The following TENM4 variants were observed in gnomAD, a reference collection of about 807,000 sequenced individuals.
TENM4 encodes teneurin-4.
Under a neutral mutation model 243.3 loss-of-function variants are expected in TENM4, and 82 were observed. The observed-to-expected ratio is 0.34, with a 90% CI of 0.28 to 0.40. The LOEUF is 0.40. Among genes scored for constraint, TENM4 ranks in the 10% least tolerant of loss-of-function variants. The probability of loss-of-function intolerance (pLI) is 1.00; values close to 1 mark genes in which losing one functional copy is unlikely to be tolerated. For missense variants in TENM4, 3,138 were observed against 3,673.3 expected (o/e 0.85, Z 3.77); for synonymous variants, 1,412 against 1,456.3 (o/e 0.97, Z 0.69).
intron 6 of TENM4, among the ~76,000 whole-genome samples, chr11:78,913,580 GGTAT>G (rs1479674520): frequency 2.4e-5 from 3 of 126,350 alleles, no homozygotes; most frequent in African/African-American, 8.9e-5. Context: ...ATGGGTAAGA[GGTAT>G]GTGTGTGTGT....
chr11:79,370,046 A>G (rs1198433847), intron 1 of TENM4, among the ~76,000 whole-genome samples: 1 of 152,170 alleles, frequency 6.6e-6, no homozygotes, highest in East Asian at 1.9e-4. Flanking sequence ...TCAGTAAGAA[A>G]AAGGGTGACA....
rs978839179 is a variant in TENM4, at chr11:78,782,714, C to T, written c.2366-4086G>A. Among the ~76,000 whole-genome samples, 4 of 151,524 alleles carry T rather than the reference C, an allele frequency of 2.6e-5. No homozygotes were observed. The East Asian group carries it at 5.8e-4, about 22-fold the overall frequency. ...CTGGGAGGCGGAAGTTTCAGTGATC[C>T]GAGGTGGTGCCACTGTACTCCAGCA... On this transcript the variant is annotated intron_variant, in intron 16 of 33. Transcript: ENST00000278550.
At chr11:79,020,636 A>C (rs11237693) in intron 6 of TENM4, among the ~76,000 whole-genome samples, 52,557 of 151,636 alleles carry the variant, frequency 0.35, 11,614 homozygotes, top group African/African-American at 0.63. Context: ...AAAAAACATG[A>C]AAAAATTGTA....
intron 18 of TENM4, 106 bp downstream of exon 18, chr11:78,770,886 G>A: frequency 1.4e-6 from 2 of 1,450,982 alleles, no homozygotes; most frequent in Non-Finnish European, 1.8e-6. Context: ...CCCCCTGACT[G>A]GATGACTGGT....
At chr11:78,947,211 C>T (rs1857018443) in intron 6 of TENM4, among the ~76,000 whole-genome samples, 1 of 152,186 alleles carries the variant, frequency 6.6e-6, no homozygotes, top group Non-Finnish European at 1.5e-5. Context: ...AGTGACCACA[C>T]ACCTGTATGG....
chr11:78,670,350 G>A lies in TENM4; in HGVS notation c.5995C>T (p.Leu1999Phe). 1 of 1,613,946 alleles carries A rather than the reference G, an allele frequency of 6.2e-7. No homozygotes were observed. Among genetic ancestry groups the A allele is most frequent in the Non-Finnish European group, 8.5e-7 (1 of 1,179,860 alleles). ...CCAGTGCCCAGGTAGAAGGTGTGAA[G>A]GAGGTGCCCATCCTCAGTGAAGTCC... The part of the protein sequence containing the change: ...IQDFTEDGHL[L>F]HTFYLGTGRR... The change falls in exon 32 of 34, where the codon CTT becomes TTT. Residue 1999 changes from leucine (L) to phenylalanine (F), a missense_variant. Physicochemically the swap from Leu to Phe is conservative, Grantham distance 22. Around this residue, in one of 2 missense-constraint regions of TENM4, gnomAD observed 2,467 missense variants for 3,059.1 expected, o/e 0.81. Transcript: ENST00000278550.
intron 9 of TENM4, among the ~76,000 whole-genome samples, chr11:78,869,157 A>T (rs1859060005): frequency 6.6e-6 from 1 of 151,848 alleles, no homozygotes; most frequent in Non-Finnish European, 1.5e-5. Flanking sequence ...AGCAAACTCG[A>T]TGTCTAAAAA....
intron 3 of TENM4, among the ~76,000 whole-genome samples, chr11:79,176,064 C>G (rs1226997672): frequency 6.6e-6 from 1 of 152,154 alleles, no homozygotes. Context: ...TGCACTCCAG[C>G]CTGGGTGACA....
intron 1 of TENM4, among the ~76,000 whole-genome samples, chr11:79,311,218 G>A (rs11237782): frequency 0.062 from 9,439 of 152,238 alleles, 458 homozygotes; most frequent in East Asian, 0.22. Flanking sequence ...GAATTCCCCC[G>A]TATCCTAAAT....
intron 3 of TENM4, among the ~76,000 whole-genome samples, chr11:79,203,546 T>G (rs1863789666): frequency 6.6e-6 from 1 of 152,202 alleles, no homozygotes; most frequent in African/African-American, 2.4e-5. Context: ...TATAATAAAG[T>G]TTAATTTATA....
intron 1 of TENM4, among the ~76,000 whole-genome samples, chr11:79,328,442 C>T (rs1857008932): frequency 6.6e-6 from 1 of 152,166 alleles, no homozygotes; most frequent in African/African-American, 2.4e-5. Flanking sequence ...GTCTGTCTCT[C>T]AGGTATTGCA....
intron 2 of TENM4, among the ~76,000 whole-genome samples, chr11:79,253,035 G>A (rs1162883249): frequency 2.6e-5 from 4 of 152,102 alleles, no homozygotes; most frequent in East Asian, 3.8e-4. Flanking sequence ...TCCATTTTAC[G>A]GTGAAGAAAA....
intron 7 of TENM4, among the ~76,000 whole-genome samples, chr11:78,896,795 C>G (rs770286011): frequency 1.3e-5 from 2 of 152,060 alleles, no homozygotes; most frequent in Non-Finnish European, 2.9e-5. Flanking sequence ...GGGGATGGAC[C>G]CTGGTTCTGC....
At chr11:78,839,751 A>T (rs971961744) in intron 12 of TENM4, among the ~76,000 whole-genome samples, 1 of 152,228 alleles carries the variant, frequency 6.6e-6, no homozygotes, top group Non-Finnish European at 1.5e-5. Flanking sequence ...TTTGACTAAA[A>T]GCTGATGTTC....
At chr11:79,081,845 C>T (rs528601158) in intron 4 of TENM4, among the ~76,000 whole-genome samples, 7 of 152,174 alleles carry the variant, frequency 4.6e-5, no homozygotes, top group Admixed American at 6.5e-5. Flanking sequence ...TGACTCAGGC[C>T]GTCCCTCAAC....
At chr11:79,252,500 G>C (rs555300498) in intron 2 of TENM4, among the ~76,000 whole-genome samples, 168 of 152,306 alleles carry the variant, frequency 1.1e-3, no homozygotes, top group African/African-American at 3.8e-3. Flanking sequence ...GCCTCCCAAA[G>C]TGCTGGGATT....
chr11:79,198,581 T>A (rs926159836), intron 3 of TENM4, among the ~76,000 whole-genome samples: 2 of 152,348 alleles, frequency 1.3e-5, no homozygotes, highest in South Asian at 4.1e-4. Context: ...ACACATGTGC[T>A]CTCAGGAAAC....
intron 2 of TENM4, among the ~76,000 whole-genome samples, chr11:79,267,278 T>C (rs908081293): frequency 1.6e-4 from 25 of 152,212 alleles, no homozygotes; most frequent in African/African-American, 6.0e-4. Flanking sequence ...AGCCTTCTTG[T>C]CAATCTCCAT....
In TENM4 at chr11:78,669,949, C is replaced by G; in HGVS notation, c.6396G>C (p.Gln2132His). The change falls in exon 32 of 34, where the codon CAG becomes CAC. Residue 2132 changes from glutamine to histidine, a missense_variant. This residue lies in a region of TENM4 where 2,467 missense variants were observed against 3,059.1 expected (regional missense o/e 0.81). Transcript: ENST00000278550. The surrounding 1 kb of genome is among the most constrained non-coding windows in gnomAD (Gnocchi z 6.4). Reference protein sequence around the residue: ...KFGVIYYDINQIITTAVMTHT... With the variant: ...KFGVIYYDINHIITTAVMTHT... ...GGGTCATGACAGCTGTGGTGATGAT[C>G]TGGTTAATGTCATAGTAAATGACAC... The G allele has an allele frequency of 6.2e-7, 1 of 1,613,826 alleles. No individual in the cohort carries two copies. The highest frequency in any genetic ancestry group is 8.5e-7 in the Non-Finnish European group (1 of 1,179,846).
Sources: gnomAD v4.1 joint callset for allele counts (sites outside exome capture counted in the v4.1 genomes callset) on GRCh38, gnomAD v4.1.1 for gene constraint, gnomAD v4.1.1 regional missense constraint, Gnocchi (gnomAD v3.1) non-coding constraint, MANE v1.5 for transcripts, NCBI Gene and HGNC (gene_info 2026-07-23, HGNC 2026-07-21) for gene names.